The following SPOCK3 variants were observed in gnomAD, a reference collection of about 807,000 sequenced individuals.
The protein encoded by SPOCK3 is SPARC (osteonectin), cwcv and kazal like domains proteoglycan 3.
Under a neutral mutation model 56.6 loss-of-function variants are expected in SPOCK3, and 30 were observed. The observed-to-expected ratio is 0.53, with a 90% CI of 0.40 to 0.72. The LOEUF (loss-of-function observed/expected upper bound fraction) is 0.72. Ranked by LOEUF, SPOCK3 falls within the 30% of genes least tolerant of loss-of-function variation. The pLI is 0.00. For missense variants in SPOCK3, 527 were observed against 530.0 expected (o/e 0.99, Z 0.06); for synonymous variants, 196 against 183.3 (o/e 1.07, Z -0.56).
intron 3 of SPOCK3, among the ~76,000 whole-genome samples, chr4:167,020,008 T>A (rs568097523): frequency 6.6e-6 from 1 of 152,100 alleles, no homozygotes; most frequent in African/African-American, 2.4e-5. Flanking sequence ...CAAGCCCCCC[T>A]GAACTTGGAA....
chr4:167,100,501 ACAC>A (rs1344006227), intron 2 of SPOCK3, among the ~76,000 whole-genome samples: 1 of 150,384 alleles, frequency 6.6e-6, no homozygotes, highest in Admixed American at 6.7e-5. Context: ...ACACACACAC[ACAC>A]AACCCTCATT....
intron 6 of SPOCK3, among the ~76,000 whole-genome samples, chr4:166,812,546 T>A (rs1170636230): frequency 6.6e-6 from 1 of 151,910 alleles, no homozygotes. Flanking sequence ...AACAAATTCA[T>A]CATAAATATT....
chr4:166,953,774 T>C (rs1743023032), intron 4 of SPOCK3, among the ~76,000 whole-genome samples: 1 of 152,214 alleles, frequency 6.6e-6, no homozygotes, highest in African/African-American at 2.4e-5. Context: ...GATGAGTTCA[T>C]GTCCTTTGTA....
chr4:167,102,114 A>G (rs1274523795), intron 2 of SPOCK3, among the ~76,000 whole-genome samples: 2 of 152,034 alleles, frequency 1.3e-5, no homozygotes, highest in African/African-American at 4.8e-5. Flanking sequence ...CCTAAGCTGA[A>G]ATGAGAACAA....
intron 2 of SPOCK3, among the ~76,000 whole-genome samples, chr4:167,196,812 G>A (rs1732999510): frequency 6.6e-6 from 1 of 151,998 alleles, no homozygotes; most frequent in Admixed American, 6.6e-5. Flanking sequence ...CCTCACACAG[G>A]CCCTCTCATA....
At chr4:167,119,642 G>A (rs1227493664) in intron 2 of SPOCK3, among the ~76,000 whole-genome samples, 1 of 152,114 alleles carries the variant, frequency 6.6e-6, no homozygotes, top group Non-Finnish European at 1.5e-5. Context: ...GAAGGGCTGA[G>A]GGATGACATC....
rs1484925450 is a variant in SPOCK3, at chr4:166,800,215, T to C, written c.590-7926A>G. 9.8e-5 allele frequency among the ~76,000 whole-genome samples: 12 copies of C among 122,444 alleles called. No homozygotes were observed. The East Asian group carries it at 4.4e-3, about 45-fold the overall frequency. The allele number at this position is 122,444 out of a possible 152,430, so 80.3% of individuals were successfully genotyped here. On this transcript the variant is annotated intron_variant, in intron 6 of 10. Transcript: ENST00000357545. ...AAAAAAAAAAAAAAAAATGAAAACA[T>C]GGACCTCATGATTGTAAGGTCTTTA... is the stretch of plus-strand genomic sequence containing the variant.
chr4:166,876,371 T>C (rs1369768549), intron 6 of SPOCK3, among the ~76,000 whole-genome samples: 1 of 152,114 alleles, frequency 6.6e-6, no homozygotes, highest in Non-Finnish European at 1.5e-5. Context: ...TTCCTCTTGA[T>C]GAAAAAGAAA....
chr4:166,841,165 T>TCAATTC (rs2126829941), intron 6 of SPOCK3, among the ~76,000 whole-genome samples: 1 of 152,194 alleles, frequency 6.6e-6, no homozygotes, highest in Admixed American at 6.5e-5. Context: ...GTTTACCTCT[T>TCAATTC]CAATTATTGG....
chr4:166,766,630 G>A (rs1269107713), intron 7 of SPOCK3, among the ~76,000 whole-genome samples: 6 of 152,180 alleles, frequency 3.9e-5, no homozygotes, highest in East Asian at 1.9e-4. Context: ...GTTCATCAGC[G>A]ATATTGGTCT....
chr4:167,131,863 C>T (rs1186168967), intron 2 of SPOCK3, among the ~76,000 whole-genome samples: 1 of 152,170 alleles, frequency 6.6e-6, no homozygotes, highest in Non-Finnish European at 1.5e-5. Flanking sequence ...AGTATAAGTA[C>T]TATGAATCTC....
intron 3 of SPOCK3, among the ~76,000 whole-genome samples, chr4:167,060,555 A>C (rs1305714098): frequency 2.6e-5 from 4 of 152,108 alleles, no homozygotes; most frequent in African/African-American, 9.7e-5. Flanking sequence ...TTTTTTTGAT[A>C]CAAAACTTTC....
chr4:166,811,130 C>T (rs1033767515), intron 6 of SPOCK3, among the ~76,000 whole-genome samples: 3 of 151,712 alleles, frequency 2.0e-5, no homozygotes, highest in East Asian at 1.9e-4. Context: ...TCTTCTATTT[C>T]GCATTCCCAT....
chr4:166,890,153 C>T (rs564143594), intron 5 of SPOCK3, among the ~76,000 whole-genome samples: 71 of 151,966 alleles, frequency 4.7e-4, no homozygotes, highest in African/African-American at 1.5e-3. Flanking sequence ...TGCCTCTCTT[C>T]GGTGCTTGTA....
chr4:167,230,740 T>C (rs751065258), intron 2 of SPOCK3, among the ~76,000 whole-genome samples: 1 of 152,138 alleles, frequency 6.6e-6, no homozygotes, highest in Non-Finnish European at 1.5e-5. Flanking sequence ...AGAATTTTTA[T>C]ACTAATAACC....
intron 4 of SPOCK3, among the ~76,000 whole-genome samples, chr4:166,935,088 G>C (rs1015990072): frequency 6.6e-6 from 1 of 152,122 alleles, no homozygotes. Flanking sequence ...TAGAAGAAAA[G>C]GTCAGAAATG....
intron 4 of SPOCK3, among the ~76,000 whole-genome samples, chr4:166,977,244 A>G (rs1746050746): frequency 6.6e-6 from 1 of 152,024 alleles, no homozygotes. Flanking sequence ...TATTTAATAG[A>G]GATGTACAAG....
intron 3 of SPOCK3, among the ~76,000 whole-genome samples, chr4:167,038,436 A>G (rs894984862): frequency 1.3e-5 from 2 of 152,160 alleles, no homozygotes; most frequent in African/African-American, 2.4e-5. Flanking sequence ...AATTTATGTT[A>G]TATTTTCTAG....
intron 4 of SPOCK3, among the ~76,000 whole-genome samples, chr4:166,955,451 A>G (rs1743290435): frequency 6.8e-6 from 1 of 147,118 alleles, no homozygotes; most frequent in Non-Finnish European, 1.5e-5. Context: ...AGAAATACAA[A>G]TTATAATATA....
Sources: allele counts gnomAD v4.1 joint callset (sites outside exome capture counted in the v4.1 genomes callset), GRCh38; gene constraint gnomAD v4.1.1; transcripts MANE v1.5; gene names NCBI Gene and HGNC (gene_info 2026-07-23, HGNC 2026-07-21).